The following CLIC5 variants were observed in gnomAD, a reference collection of about 807,000 sequenced individuals.
CLIC5 encodes the protein CLIC family member 5, also known as chloride intracellular channel protein 5.
In CLIC5, 20 loss-of-function variants were observed where a neutral mutation model predicts 24.7. The observed-to-expected ratio is 0.81, with a 90% CI of 0.57 to 1.18. The LOEUF is 1.18. Among genes scored for constraint, CLIC5 ranks in the 50% most tolerant of loss-of-function variants. The probability of loss-of-function intolerance (pLI) is 0.00; values close to 1 mark genes in which losing one functional copy is unlikely to be tolerated. For missense variants in CLIC5, 341 were observed against 326.1 expected (o/e 1.05, Z -0.35); for synonymous variants, 159 against 135.6 (o/e 1.17, Z -1.20).
intron 5 of CLIC5, among the ~76,000 whole-genome samples, chr6:45,908,188 G>A (rs951535143): frequency 6.6e-6 from 1 of 151,966 alleles, no homozygotes; most frequent in Non-Finnish European, 1.5e-5. Flanking sequence ...CTAGCTAATG[G>A]TTTATGGATC....
At chr6:45,971,361 T>A (rs1399440306) in intron 1 of CLIC5, among the ~76,000 whole-genome samples, 1 of 152,172 alleles carries the variant, frequency 6.6e-6, no homozygotes. Flanking sequence ...ACAGGGTTGT[T>A]GTACATGTTT....
At chr6:46,058,394 T>C (rs557573015) in intron 1 of CLIC5, among the ~76,000 whole-genome samples, 2 of 152,222 alleles carry the variant, frequency 1.3e-5, no homozygotes, top group African/African-American at 4.8e-5. Context: ...GAGATGTCAA[T>C]AATCAGAGAT....
At chr6:45,978,362 C>A (rs1018516900) in intron 1 of CLIC5, among the ~76,000 whole-genome samples, 1 of 151,992 alleles carries the variant, frequency 6.6e-6, no homozygotes. Context: ...ATGAGTGATT[C>A]CTGAGCAGGA....
At chr6:46,118,273 C>A in the CLIC5 span, among the ~76,000 whole-genome samples, 8 of 152,206 alleles carry the variant, frequency 5.3e-5, no homozygotes, top group African/African-American at 1.9e-4. Context: ...ATGGTAAACA[C>A]CTTGAGCCCA....
At chr6:46,127,182 G>A in the CLIC5 span, among the ~76,000 whole-genome samples, 47,894 of 152,044 alleles carry the variant, frequency 0.32, 7,967 homozygotes, top group Middle Eastern at 0.44. Context: ...TCCAGTCAGG[G>A]TATTTAGGGT....
the CLIC5 span, among the ~76,000 whole-genome samples, chr6:46,125,683 C>T: frequency 6.6e-6 from 1 of 152,114 alleles, no homozygotes; most frequent in Non-Finnish European, 1.5e-5. Context: ...TTCAGGTTAA[C>T]TTGGACCCAC....
rs1407380255 is a variant in CLIC5, at chr6:46,006,019, C to CACATGTATAAATATATAT, written c.63+9443_63+9460dup. 3.7e-5 allele frequency among the ~76,000 whole-genome samples: 5 copies of CACATGTATAAATATATAT among 136,244 alleles called. No individual in the cohort carries two copies. The East Asian group carries it at 8.3e-4, about 23-fold the overall frequency. The allele number at this position is 136,244 out of a possible 152,430, so 89.4% of individuals were successfully genotyped here. The stretch of plus-strand genomic sequence containing the variant: ...ATATATTTATATATATATATATACA[C>CACATGTATAAATATATAT]ACATGTATAAATATATATACATGTA... On this transcript the variant is annotated intron_variant, in intron 1 of 5. Transcript: ENST00000339561.
At chr6:45,980,064 G>C (rs895098736) in intron 1 of CLIC5, among the ~76,000 whole-genome samples, 1 of 146,816 alleles carries the variant, frequency 6.8e-6, no homozygotes, top group Non-Finnish European at 1.5e-5. Context: ...TCCATCTTGA[G>C]TTAATTTTTG....
chr6:46,119,333 T>A, the CLIC5 span, among the ~76,000 whole-genome samples: 2 of 152,242 alleles, frequency 1.3e-5, no homozygotes, highest in East Asian at 3.8e-4. Flanking sequence ...CTTTTGGGAC[T>A]CTTTTATAGC....
chr6:45,953,493 G>A (rs747432958), intron 2 of CLIC5, among the ~76,000 whole-genome samples: 1 of 152,096 alleles, frequency 6.6e-6, no homozygotes, highest in African/African-American at 2.4e-5. Flanking sequence ...TTTAGACAGA[G>A]GATGCAGTTC....
intron 1 of CLIC5, among the ~76,000 whole-genome samples, chr6:45,955,823 A>C (rs1326936532): frequency 6.6e-6 from 1 of 151,716 alleles, no homozygotes; most frequent in African/African-American, 2.4e-5. Context: ...CAGGAAGCTC[A>C]AGGCTTTAAT....
chr6:46,062,073 T>C (rs1762297425), intron 1 of CLIC5, among the ~76,000 whole-genome samples: 2 of 152,372 alleles, frequency 1.3e-5, no homozygotes, highest in East Asian at 1.9e-4. Context: ...CTGGTGTGAC[T>C]GAGGAGCTGC....
At chr6:45,927,171 T>C (rs1245026146) in intron 4 of CLIC5, among the ~76,000 whole-genome samples, 1 of 150,422 alleles carries the variant, frequency 6.6e-6, no homozygotes, top group South Asian at 2.1e-4. Flanking sequence ...TACTTTTTTT[T>C]CTCTCATTTA....
At chr6:45,935,312 C>A (rs918087105) in intron 4 of CLIC5, among the ~76,000 whole-genome samples, 1 of 152,146 alleles carries the variant, frequency 6.6e-6, no homozygotes, top group Non-Finnish European at 1.5e-5. Flanking sequence ...TGTTTCACAG[C>A]GACGCTTGCT....
At chr6:46,000,711 C>T (rs1308514934) in intron 1 of CLIC5, among the ~76,000 whole-genome samples, 1 of 152,132 alleles carries the variant, frequency 6.6e-6, no homozygotes, top group East Asian at 1.9e-4. Context: ...ATGCCAGACA[C>T]TTATGAAACC....
At chr6:45,968,921 G>T (rs573292419) in intron 1 of CLIC5, among the ~76,000 whole-genome samples, 2 of 152,240 alleles carry the variant, frequency 1.3e-5, no homozygotes, top group African/African-American at 4.8e-5. Flanking sequence ...CCTAGTTTTG[G>T]CACAAAGAGT....
At chr6:45,907,890 T>C (rs1762705530) in intron 5 of CLIC5, among the ~76,000 whole-genome samples, 1 of 152,324 alleles carries the variant, frequency 6.6e-6, no homozygotes, top group East Asian at 1.9e-4. Context: ...TTCCTACTTG[T>C]AGGCCTTTTA....
At chr6:46,058,803 T>G (rs2127469062) in intron 1 of CLIC5, among the ~76,000 whole-genome samples, 1 of 152,188 alleles carries the variant, frequency 6.6e-6, no homozygotes, top group East Asian at 1.9e-4. Context: ...GTCTAGGTGT[T>G]CCAGATTCCA....
chr6:45,974,193 G>T lies in CLIC5; in HGVS notation c.64-18949C>A, dbSNP rs539188388. 6.6e-5 allele frequency among the ~76,000 whole-genome samples: 10 copies of T among 151,916 alleles called. No homozygotes were observed. The East Asian group carries it at 1.7e-3, about 26-fold the overall frequency. ...TTTATATATAAAACCACCAGGCTGG[G>T]AATCAGAAATCCTGGGTTTCTGTCC... On this transcript the variant is annotated intron_variant, in intron 1 of 5. Transcript: ENST00000339561.
Sources: allele counts gnomAD v4.1 joint callset (sites outside exome capture counted in the v4.1 genomes callset), GRCh38; gene constraint gnomAD v4.1.1; transcripts MANE v1.5; gene names NCBI Gene and HGNC (gene_info 2026-07-23, HGNC 2026-07-21).